VEPH1: variants seen among roughly 807,000 people sequenced by gnomAD.
VEPH1 encodes the protein ventricular zone-expressed PH domain-containing protein homolog 1.
Under a neutral mutation model 85.2 loss-of-function variants are expected in VEPH1, and 80 were observed. That is an observed-to-expected ratio of 0.94 (90% CI 0.78 to 1.13). The LOEUF (loss-of-function observed/expected upper bound fraction) is 1.13, where lower values mean the gene tolerates loss of function less well. VEPH1 is among the 50% of genes most tolerant of loss of function. The pLI is 0.00. For synonymous variants in VEPH1, 297 were observed against 348.0 expected (o/e 0.85, Z 1.63); for missense variants, 955 against 980.5 (o/e 0.97, Z 0.35).
intron 5 of VEPH1, among the ~76,000 whole-genome samples, chr3:157,427,187 G>A (rs532677573): frequency 2.6e-4 from 39 of 152,018 alleles, no homozygotes; most frequent in African/African-American, 8.2e-4. Context: ...AGGGTTTCAC[G>A]GTGTTGGTCC....
At chr3:157,464,059 T>C (rs566401754) in intron 3 of VEPH1, among the ~76,000 whole-genome samples, 1 of 152,370 alleles carries the variant, frequency 6.6e-6, no homozygotes, top group African/African-American at 2.4e-5. Context: ...GTTAACATAC[T>C]GATCAAACAT....
intron 12 of VEPH1, among the ~76,000 whole-genome samples, chr3:157,284,284 C>T (rs931162315): frequency 5.9e-5 from 9 of 152,058 alleles, no homozygotes; most frequent in Non-Finnish European, 1.3e-4. Context: ...TAGATTTTTT[C>T]GAATACACCT....
intron 13 of VEPH1, among the ~76,000 whole-genome samples, chr3:157,264,466 A>G (rs776371467): frequency 3.3e-5 from 5 of 152,112 alleles, no homozygotes; most frequent in Non-Finnish European, 5.9e-5. Flanking sequence ...TATATATCCT[A>G]TTGGTTCCAT....
At chr3:157,352,538 C>G (rs1724977670) in intron 9 of VEPH1, among the ~76,000 whole-genome samples, 1 of 152,142 alleles carries the variant, frequency 6.6e-6, no homozygotes, top group African/African-American at 2.4e-5. Flanking sequence ...AACCTCACAA[C>G]TATGAACAAT....
At chr3:157,370,699 T>C (rs1328811158) in intron 7 of VEPH1, among the ~76,000 whole-genome samples, 2 of 152,244 alleles carry the variant, frequency 1.3e-5, no homozygotes, top group African/African-American at 4.8e-5. Context: ...TACCTAGTTA[T>C]GTGGGGATCA....
intron 13 of VEPH1, among the ~76,000 whole-genome samples, chr3:157,263,288 A>G (rs1307525651): frequency 6.6e-6 from 1 of 152,030 alleles, no homozygotes; most frequent in Non-Finnish European, 1.5e-5. Context: ...GTTTTGTCAG[A>G]GTTATGGAAT....
At chr3:157,389,628 C>CAGATAGATAGAT (rs3086054) in intron 6 of VEPH1, among the ~76,000 whole-genome samples, 5 of 144,046 alleles carry the variant, frequency 3.5e-5, no homozygotes, top group Admixed American at 7.1e-5. Flanking sequence ...GATAGGTAAG[C>CAGATAGATAGAT]AGATAGATAG....
intron 9 of VEPH1, among the ~76,000 whole-genome samples, chr3:157,341,757 G>A (rs982631655): frequency 2.6e-5 from 4 of 152,034 alleles, no homozygotes; most frequent in Non-Finnish European, 5.9e-5. Context: ...AGGAAAAAAT[G>A]TTAAGGGCAG....
intron 5 of VEPH1, among the ~76,000 whole-genome samples, chr3:157,426,593 A>T (rs1289673677): frequency 9.9e-5 from 15 of 152,174 alleles, no homozygotes; most frequent in Admixed American, 7.2e-4. Flanking sequence ...TAATTGTTAA[A>T]ATCTTCTACT....
chr3:157,458,499 G>A (rs1275837119), intron 4 of VEPH1, among the ~76,000 whole-genome samples: 1 of 152,102 alleles, frequency 6.6e-6, no homozygotes, highest in African/African-American at 2.4e-5. Flanking sequence ...AATTGCTTAA[G>A]TTCCTTATAG....
rs117474303 is a variant in VEPH1, at chr3:157,458,856, G to A, written c.529+1325C>T. Reference sequence around the variant, plus strand: ...TGCATATAGATACCCAGTTATCCTAGCACCATTTGTTGAATAGGGAGTCCT... The same window carrying A: ...TGCATATAGATACCCAGTTATCCTAACACCATTTGTTGAATAGGGAGTCCT... On this transcript the variant is annotated intron_variant, in intron 4 of 13. Coordinates refer to ENST00000362010, the MANE Select transcript of VEPH1 (RefSeq NM_001167912.2). 1.4e-4 allele frequency among the ~76,000 whole-genome samples: 22 copies of A among 152,226 alleles called. No homozygotes were observed. In the East Asian group the frequency reaches 4.0e-3, roughly 28 times the overall value.
At chr3:157,310,418 C>A (rs757763404) in intron 11 of VEPH1, among the ~76,000 whole-genome samples, 1 of 152,106 alleles carries the variant, frequency 6.6e-6, no homozygotes, top group Non-Finnish European at 1.5e-5. Context: ...AATATTATCT[C>A]CACTGTACAA....
intron 2 of VEPH1, among the ~76,000 whole-genome samples, chr3:157,481,265 T>C (rs1226788685): frequency 6.6e-6 from 1 of 152,030 alleles, no homozygotes; most frequent in Non-Finnish European, 1.5e-5. Flanking sequence ...ACTTTGTTGA[T>C]AGTTTCTTTT....
intron 6 of VEPH1, among the ~76,000 whole-genome samples, chr3:157,394,265 C>T (rs1730160147): frequency 6.6e-6 from 1 of 152,146 alleles, no homozygotes; most frequent in Non-Finnish European, 1.5e-5. Context: ...GGTAGTAGTA[C>T]CATGTAAAGC....
intron 1 of VEPH1, chr3:157,499,547 G>A (rs1390244751): frequency 6.6e-6 from 1 of 152,116 alleles, no homozygotes; most frequent in African/African-American, 2.4e-5. Flanking sequence ...GGTGCCGGGT[G>A]GAAGAATTCA....
At chr3:157,485,566 CTCAA>C (rs1738542832) in intron 2 of VEPH1, among the ~76,000 whole-genome samples, 1 of 151,742 alleles carries the variant, frequency 6.6e-6, no homozygotes, top group South Asian at 2.1e-4. Context: ...ATGATAAAAA[CTCAA>C]TCAATTAAAA....
chr3:157,439,831 A>C (rs1236790049), intron 4 of VEPH1, among the ~76,000 whole-genome samples: 1 of 152,150 alleles, frequency 6.6e-6, no homozygotes, highest in Non-Finnish European at 1.5e-5. Context: ...GCTCACTGCA[A>C]GCTCCGCCTC....
chr3:157,480,686 T>C (rs577931014), intron 2 of VEPH1, among the ~76,000 whole-genome samples: 1 of 152,346 alleles, frequency 6.6e-6, no homozygotes, highest in Admixed American at 6.5e-5. Flanking sequence ...ATTTTCTTTA[T>C]CCATTCCAGT....
intron 4 of VEPH1, among the ~76,000 whole-genome samples, chr3:157,449,845 A>C (rs1346388186): frequency 6.6e-6 from 1 of 151,894 alleles, no homozygotes; most frequent in Non-Finnish European, 1.5e-5. Flanking sequence ...CTTTCAATAC[A>C]CTTTTATAAT....
Sources: gnomAD v4.1 joint callset for allele counts (sites outside exome capture counted in the v4.1 genomes callset) on GRCh38, gnomAD v4.1.1 for gene constraint, MANE v1.5 for transcripts, NCBI Gene and HGNC (gene_info 2026-07-23, HGNC 2026-07-21) for gene names.